Variants in ADAMTSL1 observed in about 807,000 individuals in gnomAD.
ADAMTSL1 encodes ADAMTS like 1, also known as ADAMTS-like protein 1.
A neutral mutation model predicts 201.8 loss-of-function variants in ADAMTSL1; 126 were observed. The observed-to-expected ratio is 0.62, with a 90% confidence interval of 0.54 to 0.72. The LOEUF (loss-of-function observed/expected upper bound fraction) is 0.72. ADAMTSL1 is among the 30% of genes least tolerant of loss of function. ADAMTSL1 has a pLI of 0.00. For synonymous variants in ADAMTSL1, 1,121 were observed against 903.4 expected (o/e 1.24, Z -4.32); for missense variants, 2,679 against 2,277.8 (o/e 1.18, Z -3.59).
At chr9:18,041,371 A>G (rs1030421771) in intron 1 of ADAMTSL1, among the ~76,000 whole-genome samples, 7 of 152,180 alleles carry the variant, frequency 4.6e-5, no homozygotes, top group Non-Finnish European at 1.0e-4. Context: ...TGGAAGTGTC[A>G]TTAGATGCTT....
intron 23 of ADAMTSL1, among the ~76,000 whole-genome samples, chr9:18,865,248 T>C (rs950782680): frequency 6.6e-6 from 1 of 152,006 alleles, no homozygotes; most frequent in African/African-American, 2.4e-5. Flanking sequence ...TGTCCAAGTG[T>C]TCTCATTGTT....
chr9:18,806,319 T>C (rs1823114700), intron 20 of ADAMTSL1, among the ~76,000 whole-genome samples: 1 of 152,250 alleles, frequency 6.6e-6, no homozygotes, highest in Non-Finnish European at 1.5e-5. Flanking sequence ...CGTCTGTTCA[T>C]GTTCCATCTG....
At chr9:18,244,660 A>T (rs550808090) in intron 2 of ADAMTSL1, among the ~76,000 whole-genome samples, 2 of 151,968 alleles carry the variant, frequency 1.3e-5, no homozygotes, top group African/African-American at 4.8e-5. Context: ...CCTACTGGGC[A>T]TTTTCTCATT....
At chr9:18,648,654 T>C (rs1029746742) in intron 7 of ADAMTSL1, among the ~76,000 whole-genome samples, 1 of 151,884 alleles carries the variant, frequency 6.6e-6, no homozygotes, top group Non-Finnish European at 1.5e-5. Context: ...TGAAGCTTAG[T>C]TTGGCTGGAT....
At chr9:18,451,383 C>T (rs116092573) in intron 2 of ADAMTSL1, among the ~76,000 whole-genome samples, 2,225 of 152,226 alleles carry the variant, frequency 0.015, 45 homozygotes, top group African/African-American at 0.049. Context: ...AATTTCCATA[C>T]GATTTTATAC....
intron 16 of ADAMTSL1, among the ~76,000 whole-genome samples, chr9:18,768,477 G>A (rs1411208075): frequency 1.5e-5 from 1 of 65,898 alleles, no homozygotes; most frequent in South Asian, 5.1e-4. Flanking sequence ...TTTTTTTTCT[G>A]TAAAGTGGAA....
chr9:18,402,339 A>G (rs1818018645), intron 2 of ADAMTSL1, among the ~76,000 whole-genome samples: 1 of 152,124 alleles, frequency 6.6e-6, no homozygotes, highest in Non-Finnish European at 1.5e-5. Context: ...TCTCAAATCC[A>G]TCCATTTCTC....
chr9:18,693,658 A>G (rs893256509), intron 13 of ADAMTSL1, among the ~76,000 whole-genome samples: 1 of 152,032 alleles, frequency 6.6e-6, no homozygotes, highest in Non-Finnish European at 1.5e-5. Flanking sequence ...CATAATATTA[A>G]CTCTTATCCT....
chr9:18,406,290 T>TTTTCTTTTCTTTTCC (rs1818192774), intron 2 of ADAMTSL1, among the ~76,000 whole-genome samples: 1 of 18,434 alleles, frequency 5.4e-5, no homozygotes, highest in Non-Finnish European at 9.4e-5. Flanking sequence ...TAAGACAGTT[T>TTTTCTTTTCTTTTCC]TTTCTTTTCT....
intron 2 of ADAMTSL1, among the ~76,000 whole-genome samples, chr9:18,257,499 AAAT>A (rs899480982): frequency 1.3e-5 from 2 of 152,214 alleles, no homozygotes; most frequent in African/African-American, 2.4e-5. Flanking sequence ...TATTATTCCA[AAAT>A]AATAATAATA....
chr9:18,352,312 C>T (rs571248633), intron 2 of ADAMTSL1, among the ~76,000 whole-genome samples: 2 of 152,156 alleles, frequency 1.3e-5, no homozygotes, highest in Admixed American at 6.5e-5. Context: ...GGAAATGGCT[C>T]GAAAGGCAGA....
upstream of ADAMTSL1, among the ~76,000 whole-genome samples, chr9:18,469,234 C>A (rs1376984985): frequency 6.6e-6 from 1 of 152,172 alleles, no homozygotes; most frequent in African/African-American, 2.4e-5. Context: ...ATTCTCATGG[C>A]CCTTTGCTTT....
chr9:18,826,853 TATG>T (rs1388284554), intron 22 of ADAMTSL1, among the ~76,000 whole-genome samples: 1 of 152,242 alleles, frequency 6.6e-6, no homozygotes, highest in Non-Finnish European at 1.5e-5. Context: ...AGATAAAAAC[TATG>T]GATTCCTCCT....
chr9:18,508,317 A>G (rs1229731237), intron 2 of ADAMTSL1, among the ~76,000 whole-genome samples: 4 of 152,142 alleles, frequency 2.6e-5, no homozygotes, highest in African/African-American at 7.2e-5. Context: ...AGTTTTATTA[A>G]TATGATTTTA....
intron 2 of ADAMTSL1, among the ~76,000 whole-genome samples, chr9:18,404,037 C>G (rs1425707504): frequency 6.6e-6 from 1 of 152,018 alleles, no homozygotes; most frequent in Non-Finnish European, 1.5e-5. Flanking sequence ...CCTTCTGTTC[C>G]ATCATTTTAT....
intron 2 of ADAMTSL1, among the ~76,000 whole-genome samples, chr9:18,223,273 G>T (rs1190544255): frequency 6.6e-6 from 1 of 151,988 alleles, no homozygotes; most frequent in Non-Finnish European, 1.5e-5. Context: ...AGATTTGGGG[G>T]TTTCAGATTT....
At chr9:18,730,680 T>G (rs960683794) in intron 15 of ADAMTSL1, among the ~76,000 whole-genome samples, 2 of 152,354 alleles carry the variant, frequency 1.3e-5, no homozygotes, top group South Asian at 2.1e-4. Context: ...TGTCACTGCA[T>G]TAACACAGCT....
chr9:18,552,380 G>A (rs1820841083), intron 3 of ADAMTSL1, among the ~76,000 whole-genome samples: 2 of 151,600 alleles, frequency 1.3e-5, no homozygotes, highest in African/African-American at 4.8e-5. Flanking sequence ...AATACATGGG[G>A]CATTTACATT....
At chr9:18,649,108 A>C (rs1456933659) in intron 7 of ADAMTSL1, among the ~76,000 whole-genome samples, 1 of 151,752 alleles carries the variant, frequency 6.6e-6, no homozygotes, top group Non-Finnish European at 1.5e-5. Flanking sequence ...TTTTTCTCTA[A>C]ACTTCCTTTC....
Sources: gnomAD v4.1 joint callset for allele counts (sites outside exome capture counted in the v4.1 genomes callset) on GRCh38, gnomAD v4.1.1 for gene constraint, MANE v1.5 for transcripts, NCBI Gene and HGNC (gene_info 2026-07-23, HGNC 2026-07-21) for gene names.